The following TSHZ3 variants were observed in gnomAD, a reference collection of about 807,000 sequenced individuals.
TSHZ3 encodes the protein teashirt homolog 3.
A neutral mutation model predicts 64.5 loss-of-function variants in TSHZ3; 10 were observed. That is an observed-to-expected ratio of 0.16 (90% confidence interval 0.10 to 0.26). The LOEUF (loss-of-function observed/expected upper bound fraction) is 0.26, where lower values mean the gene tolerates loss of function less well. Ranked by LOEUF, TSHZ3 falls within the 10% of genes least tolerant of loss-of-function variation. The pLI, the probability that TSHZ3 is intolerant of heterozygous loss-of-function variation, is 1.00. For missense variants in TSHZ3, 1,242 were observed against 1,421.7 expected (o/e 0.87, Z 2.03); for synonymous variants, 608 against 593.1 (o/e 1.03, Z -0.36).
At chr19:31,173,267 C>T (rs573270326) in intron 5 of TSHZ3, among the ~76,000 whole-genome samples, 1 of 152,174 alleles carries the variant, frequency 6.6e-6, no homozygotes, top group South Asian at 2.1e-4. Flanking sequence ...GATGTGGGGT[C>T]TGAGAGATAC....
intron 1 of TSHZ3, among the ~76,000 whole-genome samples, chr19:31,336,567 A>T (rs1917247936): frequency 6.6e-6 from 1 of 152,198 alleles, no homozygotes; most frequent in South Asian, 2.1e-4. Context: ...GTTTTAAAAA[A>T]TCCGGTTATC....
At chr19:31,320,043 C>T (rs1453373682) in intron 1 of TSHZ3, among the ~76,000 whole-genome samples, 1 of 151,658 alleles carries the variant, frequency 6.6e-6, no homozygotes, top group Admixed American at 6.5e-5. Flanking sequence ...GATGACCTGA[C>T]GTATTAGGGA....
chr19:31,310,659 G>T (rs540879402), intron 1 of TSHZ3, among the ~76,000 whole-genome samples: 1 of 152,280 alleles, frequency 6.6e-6, no homozygotes, highest in Non-Finnish European at 1.5e-5. Context: ...AAGGACACTA[G>T]GACCTCACAG....
At chr19:31,227,421 A>T (rs61351307) in intron 4 of TSHZ3, among the ~76,000 whole-genome samples, 2,601 of 152,134 alleles carry the variant, frequency 0.017, 73 homozygotes, top group African/African-American at 0.058. Context: ...GAGGAAAAAA[A>T]CCCTATTTTC....
intron 1 of TSHZ3, among the ~76,000 whole-genome samples, chr19:31,299,143 C>G (rs990289716): frequency 6.6e-6 from 1 of 152,100 alleles, no homozygotes; most frequent in African/African-American, 2.4e-5. Context: ...TGCAGTAAGC[C>G]GGGATTTCAC....
At chr19:31,287,389 C>T (rs955830910) in intron 1 of TSHZ3, among the ~76,000 whole-genome samples, 2 of 152,176 alleles carry the variant, frequency 1.3e-5, no homozygotes, top group East Asian at 3.9e-4. Flanking sequence ...AAGAACACCC[C>T]TCTTTGCAAT....
At chr19:31,213,486 G>A (rs1053988143) in intron 4 of TSHZ3, among the ~76,000 whole-genome samples, 1 of 151,134 alleles carries the variant, frequency 6.6e-6, no homozygotes, top group Admixed American at 6.6e-5. Context: ...CTATAATGGT[G>A]GATCCATGTC....
chr19:31,221,092 G>C (rs1975390246), intron 4 of TSHZ3, among the ~76,000 whole-genome samples: 1 of 152,194 alleles, frequency 6.6e-6, no homozygotes, highest in South Asian at 2.1e-4. Flanking sequence ...TCTGTCACAT[G>C]CCTACTTGGT....
chr19:31,174,373 G>A (rs936793885), intron 5 of TSHZ3, among the ~76,000 whole-genome samples: 3 of 152,208 alleles, frequency 2.0e-5, no homozygotes, highest in African/African-American at 7.2e-5. Flanking sequence ...CAGTCTTTTT[G>A]TTGTATTCAG....
At chr19:31,295,302 T>C (rs1976643527) in intron 1 of TSHZ3, among the ~76,000 whole-genome samples, 1 of 152,238 alleles carries the variant, frequency 6.6e-6, no homozygotes, top group Admixed American at 6.5e-5. Flanking sequence ...ATTCTATTCC[T>C]AGATCTAGAC....
intron 1 of TSHZ3, among the ~76,000 whole-genome samples, chr19:31,313,952 A>C (rs1490802093): frequency 1.3e-5 from 2 of 152,182 alleles, no homozygotes; most frequent in African/African-American, 4.8e-5. Context: ...TTCACTTGTA[A>C]ATCAGGTAAT....
At chr19:31,156,516 TC>T (rs1974308017) in intron 5 of TSHZ3, among the ~76,000 whole-genome samples, 1 of 152,144 alleles carries the variant, frequency 6.6e-6, no homozygotes, top group African/African-American at 2.4e-5. Flanking sequence ...ACCCAGGGCA[TC>T]TATTTAAAGT....
intron 1 of TSHZ3, among the ~76,000 whole-genome samples, chr19:31,313,779 G>A (rs1265197776): frequency 1.3e-5 from 2 of 152,164 alleles, no homozygotes; most frequent in African/African-American, 4.8e-5. Flanking sequence ...CCCTAGAAAG[G>A]CCCCATCGGA....
At position 31,252,016 on chromosome 19, in the gene TSHZ3, C is replaced by T. The variant is rs140144718; in HGVS notation, n.64-9141G>A. Among the ~76,000 whole-genome samples, 64 of 152,332 alleles carry T rather than the reference C, an allele frequency of 4.2e-4. 1 individual carries two copies. The highest frequency in any genetic ancestry group is 1.5e-3 in the African/African-American group (64 of 41,576). ...CTGTATCCCTAAGCACCCCTGGGCA[C>T]TGAGGCACAGGACATAGTGCTGGGG... On this transcript the variant is annotated intron_variant and non_coding_transcript_variant, in intron 1 of 6. Transcript: ENST00000651361.
chr19:31,272,608 G>A (rs1001999316), downstream of TSHZ3, among the ~76,000 whole-genome samples: 2 of 152,082 alleles, frequency 1.3e-5, no homozygotes, highest in African/African-American at 4.8e-5. Context: ...TGATATTTTT[G>A]CTAAATGTTG....
chr19:31,203,557 G>T (rs1159474367), intron 5 of TSHZ3, among the ~76,000 whole-genome samples: 1 of 152,088 alleles, frequency 6.6e-6, no homozygotes, highest in South Asian at 2.1e-4. Context: ...GGCTTTAGGG[G>T]ACATCTGGTA....
chr19:31,176,925 C>T (rs1258268546), intron 5 of TSHZ3, among the ~76,000 whole-genome samples: 1 of 152,126 alleles, frequency 6.6e-6, no homozygotes, highest in African/African-American at 2.4e-5. Context: ...GCTCTCATGC[C>T]CTGCTGGTGG....
intron 1 of TSHZ3, among the ~76,000 whole-genome samples, chr19:31,327,923 T>C (rs1237851301): frequency 6.6e-6 from 1 of 152,240 alleles, no homozygotes; most frequent in East Asian, 1.9e-4. Context: ...TTGTCTCTAG[T>C]TGCATCTGCA....
chr19:31,157,556 T>C (rs1974321030), intron 5 of TSHZ3, among the ~76,000 whole-genome samples: 1 of 152,168 alleles, frequency 6.6e-6, no homozygotes. Context: ...GAGAGCTGCA[T>C]AGATCACCAA....
Sources: gnomAD v4.1 joint callset for allele counts (sites outside exome capture counted in the v4.1 genomes callset) on GRCh38, gnomAD v4.1.1 for gene constraint, MANE v1.5 for transcripts, NCBI Gene and HGNC (gene_info 2026-07-23, HGNC 2026-07-21) for gene names.